NFIX: variants seen among roughly 807,000 people sequenced by gnomAD.
The protein encoded by NFIX is nuclear factor 1 X-type.
Under a neutral mutation model 53.3 loss-of-function variants are expected in NFIX, and 2 were observed. The observed-to-expected ratio is 0.04, with a 90% CI of 0.02 to 0.12. The LOEUF is 0.12. NFIX is among the 10% of genes least tolerant of loss of function. NFIX has a pLI of 1.00. For synonymous variants in NFIX, 244 were observed against 289.0 expected, an observed-to-expected ratio of 0.84 and a Z score of 1.58; for missense variants, 310 against 674.5, an observed-to-expected ratio of 0.46 and a Z score of 5.99.
intron 6 of NFIX, among the ~76,000 whole-genome samples, chr19:13,076,860 C>T (rs1447304854): frequency 6.6e-6 from 1 of 152,116 alleles, no homozygotes; most frequent in Non-Finnish European, 1.5e-5. Context: ...GAGGGCTCGC[C>T]TCCAGGCCTC....
intron 8 of NFIX, among the ~76,000 whole-genome samples, chr19:13,085,469 C>T (rs1319772631): frequency 6.6e-6 from 1 of 152,200 alleles, no homozygotes; most frequent in African/African-American, 2.4e-5. Flanking sequence ...TGTGATCAGA[C>T]CGTCCCATTC....
chr19:13,032,885 C>T (rs906966610), intron 2 of NFIX, among the ~76,000 whole-genome samples: 2 of 152,116 alleles, frequency 1.3e-5, no homozygotes, highest in Admixed American at 1.3e-4. Context: ...GTCCCTATAT[C>T]CCAGTAAGAA....
At position 13,030,610 on chromosome 19, in the gene NFIX, T is replaced by C. The variant is rs138766022; in HGVS notation, c.559+5058T>C. Among the ~76,000 whole-genome samples, 77 of 152,148 alleles carry C rather than the reference T, an allele frequency of 5.1e-4. No individual in the cohort carries two copies. The East Asian group carries it at 0.014, about 29-fold the overall frequency. ...CAGCCTGAATATCACCAGTCCCTAATGCCTCCCACATTTCACATGGCTCCT... is the reference window on the plus strand; with the variant it reads ...CAGCCTGAATATCACCAGTCCCTAACGCCTCCCACATTTCACATGGCTCCT... On this transcript the variant is annotated intron_variant, in intron 2 of 10. Coordinates refer to ENST00000592199, the MANE Select transcript of NFIX (RefSeq NM_001365902.3).
At position 13,073,794 on chromosome 19, in the gene NFIX, G is replaced by A. The variant is rs932619171; in HGVS notation, c.698-112G>A. 8 of 1,426,974 alleles carry A rather than the reference G, an allele frequency of 5.6e-6. No individual in the cohort carries two copies. The African/African-American group carries it at 8.5e-5, about 15-fold the overall frequency. 88.4% of individuals were successfully genotyped at this position (1,426,974 alleles called of 1,614,324 possible). A position where few individuals can be genotyped will look rare whatever the true frequency, so the allele number is the denominator to read the frequency against. On this transcript the variant is annotated intron_variant, in intron 4 of 10. Coordinates refer to ENST00000592199, the MANE Select transcript of NFIX (RefSeq NM_001365902.3). The surrounding 1 kb of genome is among the most constrained non-coding windows in gnomAD (Gnocchi z 4.5). Reference sequence around the variant, plus strand: ...GATGGCCCACTTTCTCCCATCTCCTGGCCCCACAGTAAACTCACCCTGGGC... The same window carrying A: ...GATGGCCCACTTTCTCCCATCTCCTAGCCCCACAGTAAACTCACCCTGGGC...
rs190699389 is a variant in NFIX at position 13,074,598 on chromosome 19, G to T, written c.818+572G>T. Among the ~76,000 whole-genome samples the T allele has an allele frequency of 1.6e-3, 247 of 152,124 alleles. 1 individual carries two copies. The highest frequency in any genetic ancestry group is 5.4e-3 in the African/African-American group (226 of 41,504). On this transcript the variant is annotated intron_variant, in intron 5 of 10. Coordinates refer to ENST00000592199, the MANE Select transcript of NFIX (RefSeq NM_001365902.3). ...AGGAGGCCATTGGAAAGGCTAGAGT[G>T]GGGGAGGGCCTGGAGGGTGGGGTGG...
rs111768219 is a variant in NFIX at position 13,049,080 on chromosome 19, A to C, written c.559+23528A>C. On this transcript the variant is annotated intron_variant, in intron 2 of 10. Coordinates refer to ENST00000592199, the MANE Select transcript of NFIX (RefSeq NM_001365902.3). This position sits in a 1 kb window ranked among gnomAD's most constrained non-coding sequence, Gnocchi z 4.5. Reference sequence around the variant, plus strand: ...CGACAGAGCAAGACTCTGTCTAAAAAAAAACAAAACAAAACAAAAATTAGC... The same window carrying C: ...CGACAGAGCAAGACTCTGTCTAAAACAAAACAAAACAAAACAAAAATTAGC... Among the ~76,000 whole-genome samples the C allele has an allele frequency of 0.048, 7,337 of 151,912 alleles. 564 individuals carry two copies. The highest frequency in any genetic ancestry group is 0.16 in the African/African-American group (6,733 of 41,358).
In NFIX at chr19:13,040,351, G is replaced by A. The variant is rs974219980; in HGVS notation, c.559+14799G>A. Among the ~76,000 whole-genome samples, 1 of 152,168 alleles carries A rather than the reference G, an allele frequency of 6.6e-6. No individual in the cohort carries two copies. The highest frequency in any genetic ancestry group is 1.5e-5 in the Non-Finnish European group (1 of 68,034). On this transcript the variant is annotated intron_variant, in intron 2 of 10. Coordinates refer to ENST00000592199, the MANE Select transcript of NFIX (RefSeq NM_001365902.3). This position sits in a 1 kb window ranked among gnomAD's most constrained non-coding sequence, Gnocchi z 4.2. Reference sequence around the variant, plus strand: ...GCCACAAAGCACACAGCCCCCCAGAGGCCATGTCCTCTCCAGACTTGGTCT... The same window carrying A: ...GCCACAAAGCACACAGCCCCCCAGAAGCCATGTCCTCTCCAGACTTGGTCT...
Position 13,060,855 on chromosome 19 carries a change from C to T in NFIX, c.560-12192C>T, listed in dbSNP as rs952949735. Among the ~76,000 whole-genome samples, 4 of 152,196 alleles carry T rather than the reference C, an allele frequency of 2.6e-5. No homozygotes were observed. Among genetic ancestry groups the T allele is most frequent in the Admixed American group, 6.5e-5 (1 of 15,290 alleles). On this transcript the variant is annotated intron_variant, in intron 2 of 10. Coordinates refer to ENST00000592199, the MANE Select transcript of NFIX (RefSeq NM_001365902.3). The surrounding 1 kb of genome is among the most constrained non-coding windows in gnomAD (Gnocchi z 4.3). ...GGAGGGTGTGCCCGCCCGGCTGCTG[C>T]CGCCACTGCAGAGGGCGCTGATTTT...
intron 2 of NFIX, among the ~76,000 whole-genome samples, chr19:13,059,774 A>ATT (rs1555701795): frequency 3.2e-4 from 39 of 123,510 alleles, no homozygotes; most frequent in South Asian, 1.1e-3. Context: ...TTTAATTAGA[A>ATT]TTCTTTTTTT....
At position 12,996,678 on chromosome 19, in the gene NFIX, G is replaced by A. The variant is rs1037046349; in HGVS notation, c.27+814G>A. Reference sequence around the variant, plus strand: ...GCGGAGTGGACCCGGCAGGCCTGGGGAATCCCGTCCCGTCGCCTGGAGGCG... The same window carrying A: ...GCGGAGTGGACCCGGCAGGCCTGGGAAATCCCGTCCCGTCGCCTGGAGGCG... On this transcript the variant is annotated intron_variant, in intron 1 of 10. Transcript: ENST00000592199. This position sits in a 1 kb window ranked among gnomAD's most constrained non-coding sequence, Gnocchi z 5.2. Among the ~76,000 whole-genome samples, 5 of 152,198 alleles carry A rather than the reference G, an allele frequency of 3.3e-5. No individual in the cohort carries two copies. Among genetic ancestry groups the A allele is most frequent in the African/African-American group, 1.2e-4 (5 of 41,466 alleles).
rs570686279 is a variant in NFIX at position 13,005,753 on chromosome 19, C to T, written c.27+9889C>T. ...AAATGGGTCTGCACACCCCCACGCC[C>T]CCATTTGAAACGTGCCCTAGTGGTT... On this transcript the variant is annotated intron_variant, in intron 1 of 10. Coordinates refer to ENST00000592199, the MANE Select transcript of NFIX (RefSeq NM_001365902.3). This position sits in a 1 kb window ranked among gnomAD's most constrained non-coding sequence, Gnocchi z 4.7. Among the ~76,000 whole-genome samples, 8 of 152,292 alleles carry T rather than the reference C, an allele frequency of 5.3e-5. No homozygotes were observed. In the South Asian group the frequency reaches 8.3e-4, roughly 16 times the overall value.
chr19:13,064,468 CCT>C (rs1027889063), intron 2 of NFIX, among the ~76,000 whole-genome samples: 8 of 152,368 alleles, frequency 5.3e-5, no homozygotes, highest in East Asian at 1.9e-4. Context: ...CTCCCCCACC[CCT>C]GTTTCTAGTA....
chr19:13,061,970 G>A (rs766575436), intron 2 of NFIX, among the ~76,000 whole-genome samples: 2 of 152,096 alleles, frequency 1.3e-5, no homozygotes, highest in Non-Finnish European at 2.9e-5. Flanking sequence ...ACTCGGTGCC[G>A]TCCTATTCAA....
Position 13,094,449 on chromosome 19 carries a change from G to A in NFIX, c.1495-186G>A, listed in dbSNP as rs914457283. Among the ~76,000 whole-genome samples, 4 of 152,212 alleles carry A rather than the reference G, an allele frequency of 2.6e-5. No individual in the cohort carries two copies. The highest frequency in any genetic ancestry group is 7.2e-5 in the African/African-American group (3 of 41,448). The stretch of plus-strand genomic sequence containing the variant: ...GAGTCTCTGAGGGGGCGGGGTTCTC[G>A]CAGGAGGGAGGGAGAGAATGGGGAT... On this transcript the variant is annotated intron_variant, in intron 10 of 10. Coordinates refer to ENST00000592199, the MANE Select transcript of NFIX (RefSeq NM_001365902.3). This position sits in a 1 kb window ranked among gnomAD's most constrained non-coding sequence, Gnocchi z 4.3.
chr19:13,039,246 G>A (rs1357771575), intron 2 of NFIX, among the ~76,000 whole-genome samples: 4 of 127,876 alleles, frequency 3.1e-5, no homozygotes, highest in East Asian at 2.0e-4. Flanking sequence ...ACACATACAC[G>A]TGTGTGTGTG....
At position 13,078,938 on chromosome 19, in the gene NFIX, G is replaced by A. The variant is rs528988027; in HGVS notation, c.1078+203G>A. 2.6e-4 allele frequency among the ~76,000 whole-genome samples: 40 copies of A among 152,376 alleles called. 1 individual carries two copies. The East Asian group carries it at 6.8e-3, about 26-fold the overall frequency. On this transcript the variant is annotated intron_variant, in intron 7 of 10. Transcript: ENST00000592199. The surrounding 1 kb of genome is among the most constrained non-coding windows in gnomAD (Gnocchi z 4.7). Reference sequence around the variant, plus strand: ...ATCGAGGACCAGGCCGGGCCCCTGGGCTGCCCACCTGGCTCCTGAGCAACC... The same window carrying A: ...ATCGAGGACCAGGCCGGGCCCCTGGACTGCCCACCTGGCTCCTGAGCAACC...
rs570153553 is a variant in NFIX at position 13,072,639 on chromosome 19, C to T, written c.560-408C>T. ...CCCCTCTTTGCTCCTGACTCTTGGC[C>T]GGTGCTTCTTACCTGAGGGTGACTT... On this transcript the variant is annotated intron_variant, in intron 2 of 10. Coordinates refer to ENST00000592199, the MANE Select transcript of NFIX (RefSeq NM_001365902.3). This position sits in a 1 kb window ranked among gnomAD's most constrained non-coding sequence, Gnocchi z 4.0. 5.9e-5 allele frequency among the ~76,000 whole-genome samples: 9 copies of T among 152,312 alleles called. No homozygotes were observed. The South Asian group carries it at 1.0e-3, about 18-fold the overall frequency.
At chr19:13,057,881 C>T (rs1448999340) in intron 2 of NFIX, among the ~76,000 whole-genome samples, 2 of 152,188 alleles carry the variant, frequency 1.3e-5, no homozygotes, top group African/African-American at 2.4e-5. Context: ...GGCCTCTCTG[C>T]CCCAACTCCC....
At chr19:13,084,312 C>T (rs1030618588) in intron 8 of NFIX, among the ~76,000 whole-genome samples, 2 of 152,098 alleles carry the variant, frequency 1.3e-5, no homozygotes, top group Non-Finnish European at 2.9e-5. Flanking sequence ...GACGTGGTGG[C>T]GTGTGCCTGT....
Sources: allele counts gnomAD v4.1 joint callset (sites outside exome capture counted in the v4.1 genomes callset), GRCh38; gene constraint gnomAD v4.1.1; non-coding constraint Gnocchi (gnomAD v3.1); transcripts MANE v1.5; gene names NCBI Gene and HGNC (gene_info 2026-07-23, HGNC 2026-07-21).